The following ZDHHC5 variants were observed in gnomAD, a reference collection of about 807,000 sequenced individuals.
The protein encoded by ZDHHC5 is palmitoyltransferase ZDHHC5.
A neutral mutation model predicts 70.0 loss-of-function variants in ZDHHC5; 22 were observed. The observed-to-expected ratio is 0.31, with a 90% CI of 0.22 to 0.45. ZDHHC5 has a LOEUF of 0.45. Among genes scored for constraint, ZDHHC5 ranks in the 20% least tolerant of loss-of-function variants. The probability of loss-of-function intolerance (pLI) is 1.00; values close to 1 mark genes in which losing one functional copy is unlikely to be tolerated. For missense variants in ZDHHC5, 746 were observed against 926.9 expected, an observed-to-expected ratio of 0.80 and a Z score of 2.53; for synonymous variants, 313 against 347.8, an observed-to-expected ratio of 0.90 and a Z score of 1.11.
In ZDHHC5 at chr11:57,693,843, A is replaced by G; in HGVS notation, c.813A>G (p.Pro271=). 1 of 1,610,756 alleles carries G rather than the reference A, an allele frequency of 6.2e-7. No individual in the cohort carries two copies. The highest frequency in any genetic ancestry group is 8.5e-7 in the Non-Finnish European group (1 of 1,178,402). ...TAATCAGACCTCCCTTCCTTCGACCAGAAGTTTCAGATGGGCAGATAACTG... is the reference window on the plus strand; with the variant it reads ...TAATCAGACCTCCCTTCCTTCGACCGGAAGTTTCAGATGGGCAGATAACTG... ...TIVIRPPFLR[P]EVSDGQITVK... is the part of the protein sequence containing the mutation. Residue 271 remains proline (P), a synonymous_variant, in exon 8 of 12, where the codon CCA becomes CCG. Transcript: ENST00000287169.
intron 3 of ZDHHC5, among the ~76,000 whole-genome samples, chr11:57,686,976 G>C (rs1371090708): frequency 2.0e-5 from 3 of 151,796 alleles, no homozygotes; most frequent in Non-Finnish European, 2.9e-5. Flanking sequence ...GATTACAGGC[G>C]TGTGCCACCA....
chr11:57,678,671 G>T (rs1946106858), intron 2 of ZDHHC5, among the ~76,000 whole-genome samples: 1 of 151,876 alleles, frequency 6.6e-6, no homozygotes, highest in Admixed American at 6.6e-5. Flanking sequence ...CTGAGCCCAG[G>T]AGTTCGAGAC....
Position 57,700,056 on chromosome 11 carries a change from C to A in ZDHHC5, c.*25C>A. ...AGCCTTCGGCACCTCCCCTCCCCAA[C>A]GCCTCTGCGCCTACACCAAAGGGCC... On this transcript the variant is annotated 3_prime_UTR_variant, in exon 12 of 12. Coordinates refer to ENST00000287169, the MANE Select transcript of ZDHHC5 (RefSeq NM_015457.3). 4.6e-6 allele frequency: 7 copies of A among 1,536,088 alleles called. No homozygotes were observed. Among genetic ancestry groups the A allele is most frequent in the Non-Finnish European group, 6.1e-6 (7 of 1,143,834 alleles).
intron 10 of ZDHHC5, among the ~76,000 whole-genome samples, chr11:57,697,632 G>A (rs1422676319): frequency 1.5e-5 from 2 of 132,080 alleles, no homozygotes; most frequent in Admixed American, 1.5e-4. Context: ...GACAGAGTGA[G>A]AGTCCATCTC....
At chr11:57,678,195 G>T (rs1171509407) in intron 2 of ZDHHC5, among the ~76,000 whole-genome samples, 3 of 152,196 alleles carry the variant, frequency 2.0e-5, no homozygotes, top group Non-Finnish European at 4.4e-5. Context: ...TAGTATTTCA[G>T]ATAGGGGAAG....
chr11:57,670,666 C>G (rs1945994032), intron 1 of ZDHHC5, among the ~76,000 whole-genome samples: 1 of 152,086 alleles, frequency 6.6e-6, no homozygotes, highest in African/African-American at 2.4e-5. Flanking sequence ...TTGGCGCTCA[C>G]TGTATTCTAA....
At chr11:57,694,538 T>G (rs1421509901) in intron 8 of ZDHHC5, among the ~76,000 whole-genome samples, 2 of 152,028 alleles carry the variant, frequency 1.3e-5, no homozygotes, top group African/African-American at 4.8e-5. Flanking sequence ...ATTTTTTTAT[T>G]TTCAGTAGAG....
chr11:57,695,964 T>C lies in ZDHHC5; in HGVS notation c.930T>C (p.Ala310=), dbSNP rs377749811. 23 of 1,614,114 alleles carry C rather than the reference T, an allele frequency of 1.4e-5. No homozygotes were observed. In the African/African-American group the frequency reaches 2.9e-4, roughly 21 times the overall value. Residue 310 remains alanine, a synonymous_variant, in exon 9 of 12, where the codon GCT becomes GCC. Coordinates refer to ENST00000287169, the MANE Select transcript of ZDHHC5 (RefSeq NM_015457.3). Reference sequence around the variant, plus strand: ...TAACAGAGAGCCAGTCTGCAGATGCTGAACCTCCACCTCCTCCTAAGCCAG... The same window carrying C: ...TAACAGAGAGCCAGTCTGCAGATGCCGAACCTCCACCTCCTCCTAAGCCAG... ...LEITESQSAD[A]EPPPPPKPDL...
At chr11:57,673,263 TC>T in intron 2 of ZDHHC5, 69 bp downstream of exon 2, 2 of 1,520,942 alleles carry the variant, frequency 1.3e-6, no homozygotes, top group Non-Finnish European at 1.8e-6. Context: ...GATAACGCTT[TC>T]TCTTGAGTTT....
intron 4 of ZDHHC5, 24 bp downstream of exon 4, chr11:57,688,689 A>T (rs766229725): frequency 6.4e-7 from 1 of 1,562,190 alleles, no homozygotes; most frequent in Non-Finnish European, 8.7e-7. Flanking sequence ...GTGGGGTAAG[A>T]CTTCATGCTT....
intron 3 of ZDHHC5, among the ~76,000 whole-genome samples, chr11:57,686,155 G>A (rs1012133344): frequency 5.9e-5 from 9 of 151,982 alleles, no homozygotes; most frequent in African/African-American, 1.7e-4. Context: ...GCCCACCTGC[G>A]GTTCCAGCTA....
At chr11:57,669,603 T>G (rs1035993530) in intron 1 of ZDHHC5, among the ~76,000 whole-genome samples, 1 of 152,232 alleles carries the variant, frequency 6.6e-6, no homozygotes, top group East Asian at 1.9e-4. Flanking sequence ...ATTTCAGGCA[T>G]GCCCCATCAC....
rs771638711 is a variant in ZDHHC5, at chr11:57,673,204, C to G, written c.104+10C>G. 1 of 1,613,242 alleles carries G rather than the reference C, an allele frequency of 6.2e-7. No individual in the cohort carries two copies. Among genetic ancestry groups the G allele is most frequent in the Admixed American group, 1.7e-5 (1 of 59,990 alleles). On this transcript the variant is annotated intron_variant, in intron 2 of 11. Transcript: ENST00000287169. The stretch of plus-strand genomic sequence containing the variant: ...TCTTCTTTGCCTTTACGTGAGTTTT[C>G]TCCCAGCAGGGGTGTTTGGGTGGGT...
At position 57,676,909 on chromosome 11, in the gene ZDHHC5, A is replaced by ATTTTTTTT. The variant is rs72474322; in HGVS notation, c.104+3738_104+3745dup. On this transcript the variant is annotated intron_variant, in intron 2 of 11. Transcript: ENST00000287169. The stretch of plus-strand genomic sequence containing the variant: ...CAGGATAAGATCTCTGCTTCACGTG[A>ATTTTTTTT]TTTTTTTTTTTTTTTTTTTTTTTTT... Among the ~76,000 whole-genome samples, 9 of 80,984 alleles carry ATTTTTTTT rather than the reference A, an allele frequency of 1.1e-4. 1 individual carries two copies. Among genetic ancestry groups the ATTTTTTTT allele is most frequent in the African/African-American group, 4.7e-4 (9 of 19,106 alleles). 53.1% of individuals were successfully genotyped at this position (80,984 alleles called of 152,430 possible).
intron 2 of ZDHHC5, among the ~76,000 whole-genome samples, chr11:57,678,100 T>A (rs1309497805): frequency 6.6e-6 from 1 of 152,218 alleles, no homozygotes; most frequent in African/African-American, 2.4e-5. Context: ...AGTCATATGC[T>A]CAAGCAATAT....
In ZDHHC5 at chr11:57,672,904, T is replaced by G; in HGVS notation, c.-187T>G. ...ATCACCTTTCCCCCTCCCATGTGCT[T>G]TCCTTCATTTGAGATCTTTTGACCT... On this transcript the variant is annotated 5_prime_UTR_variant, in exon 2 of 12. Coordinates refer to ENST00000287169, the MANE Select transcript of ZDHHC5 (RefSeq NM_015457.3). 3.7e-6 allele frequency: 2 copies of G among 544,138 alleles called. No individual in the cohort carries two copies. Among genetic ancestry groups the G allele is most frequent in the African/African-American group, 1.9e-5 (1 of 52,510 alleles). 33.7% of individuals were successfully genotyped at this position (544,138 alleles called of 1,614,324 possible).
chr11:57,690,484 CTT>C, intron 6 of ZDHHC5, 47 bp downstream of exon 6: 1 of 1,593,856 alleles, frequency 6.3e-7, no homozygotes, highest in Non-Finnish European at 8.6e-7. Flanking sequence ...GGTCATGTCT[CTT>C]TAGCCTTCTG....
intron 4 of ZDHHC5, among the ~76,000 whole-genome samples, chr11:57,689,054 A>G (rs1055163985): frequency 2.0e-5 from 3 of 152,002 alleles, no homozygotes; most frequent in African/African-American, 7.2e-5. Context: ...CTTTCTTGAC[A>G]CCAAGATTTA....
At chr11:57,669,788 TACTAGTATGGATTCAAACTGTTG>T (rs1322090945) in intron 1 of ZDHHC5, among the ~76,000 whole-genome samples, 1 of 152,238 alleles carries the variant, frequency 6.6e-6, no homozygotes, top group Admixed American at 6.5e-5. Context: ...ACTTTTTTGA[TACTAGTATGGATTCAAACTGTTG>T]ACTCTGATGA....
Sources: gnomAD v4.1 joint callset for allele counts (sites outside exome capture counted in the v4.1 genomes callset) on GRCh38, gnomAD v4.1.1 for gene constraint, MANE v1.5 for transcripts, NCBI Gene and HGNC (gene_info 2026-07-23, HGNC 2026-07-21) for gene names.